The following GRHL1 variants were observed in gnomAD, a reference collection of about 807,000 sequenced individuals.
GRHL1 encodes the protein grainyhead-like protein 1 homolog.
GRHL1 carries 38 observed loss-of-function variants against 75.7 expected under a neutral mutation model. The ratio of observed to expected loss-of-function variants is 0.50; its 90% CI spans 0.39 to 0.66. The LOEUF is 0.66. Among genes scored for constraint, GRHL1 ranks in the 30% least tolerant of loss-of-function variants. GRHL1 has a pLI of 0.00. For synonymous variants in GRHL1, 266 were observed against 279.4 expected (o/e 0.95, Z 0.48); for missense variants, 589 against 767.5 (o/e 0.77, Z 2.75).
intron 10 of GRHL1, 60 bp from the exon 11 acceptor site, chr2:9,991,947 C>G (rs769511023): frequency 1.4e-5 from 19 of 1,359,926 alleles, no homozygotes; most frequent in Non-Finnish European, 1.8e-5. Context: ...TGGCCTGCAT[C>G]CAGTCTGTAT....
In GRHL1 at chr2:9,996,300, G is replaced by C; in HGVS notation, c.1592-16G>C. On this transcript the variant is annotated splice_polypyrimidine_tract_variant and intron_variant, in intron 13 of 15. Transcript: ENST00000324907. ...CTCTCTTTTCCCTTCCTTATTCCTG[G>C]TTGGGGATTGATTAGTGCTGCTCTA... 1 of 1,582,236 alleles carries C rather than the reference G, an allele frequency of 6.3e-7. No individual in the cohort carries two copies. The highest frequency in any genetic ancestry group is 8.7e-7 in the Non-Finnish European group (1 of 1,151,138).
At position 9,962,479 on chromosome 2, in the gene GRHL1, C is replaced by A; in HGVS notation, c.694C>A (p.Leu232Met). The change falls in exon 5 of 16, where the codon CTG becomes ATG. Residue 232 changes from leucine (L) to methionine (M), a missense_variant. Coordinates refer to ENST00000324907, the MANE Select transcript of GRHL1 (RefSeq NM_198182.3). ...QEVFFPSDLSLRMPGMNSEDY... is the reference protein window; with the variant it reads ...QEVFFPSDLSMRMPGMNSEDY... ...GGTTTTCTTCCCCTCGGATCTCAGTCTGCGGATGCCTGGCATGAATTCAGA... is the reference window on the plus strand; with the variant it reads ...GGTTTTCTTCCCCTCGGATCTCAGTATGCGGATGCCTGGCATGAATTCAGA... 1 of 1,601,932 alleles carries A rather than the reference C, an allele frequency of 6.2e-7. No individual in the cohort carries two copies. Among genetic ancestry groups the A allele is most frequent in the Non-Finnish European group, 8.6e-7 (1 of 1,168,906 alleles).
intron 2 of GRHL1, among the ~76,000 whole-genome samples, chr2:9,958,455 A>G (rs372845093): frequency 6.6e-6 from 1 of 152,084 alleles, no homozygotes; most frequent in African/African-American, 2.4e-5. Flanking sequence ...GGCTGGGATT[A>G]CAGACATGAG....
intron 8 of GRHL1, among the ~76,000 whole-genome samples, chr2:9,978,827 C>A (rs1668062730): frequency 6.6e-6 from 1 of 152,002 alleles, no homozygotes; most frequent in Non-Finnish European, 1.5e-5. Context: ...CCCGTCTCTA[C>A]TAAAAATACA....
intron 5 of GRHL1, 137 bp from the exon 6 acceptor site, chr2:9,963,749 A>G (rs964354546): frequency 5.2e-6 from 3 of 579,102 alleles, no homozygotes; most frequent in Non-Finnish European, 6.0e-6. Context: ...GAGAGACTTG[A>G]GAATTTTTAG....
At chr2:9,980,846 G>A (rs761780975) in intron 8 of GRHL1, among the ~76,000 whole-genome samples, 1 of 152,236 alleles carries the variant, frequency 6.6e-6, no homozygotes, top group Non-Finnish European at 1.5e-5. Flanking sequence ...TAGAGGAGGA[G>A]TTGGATGTGT....
intron 15 of GRHL1, 42 bp downstream of exon 15, chr2:9,999,071 T>C: frequency 9.1e-7 from 1 of 1,097,492 alleles, no homozygotes; most frequent in Non-Finnish European, 1.3e-6. Context: ...AAAGTGCTGA[T>C]GCCCCCCGCA....
chr2:9,965,318 T>A lies in GRHL1; in HGVS notation c.1047T>A (p.Ser349Arg). The change falls in exon 8 of 16, where the codon AGT becomes AGA. Residue 349 changes from serine to arginine, a missense_variant. Ser to Arg is a moderately radical substitution (Grantham distance 110, BLOSUM62 -1). Coordinates refer to ENST00000324907, the MANE Select transcript of GRHL1 (RefSeq NM_198182.3). ...ATAAAGAAAGCTTCAACACTATCAG[T>A]AACATCGAGGAGATTGCGTATAACG... Reference protein sequence around the residue: ...ADYKESFNTISNIEEIAYNAI... With the variant: ...ADYKESFNTIRNIEEIAYNAI... The A allele has an allele frequency of 6.2e-7, 1 of 1,610,492 alleles. No homozygotes were observed. The highest frequency in any genetic ancestry group is 8.5e-7 in the Non-Finnish European group (1 of 1,176,674).
intron 8 of GRHL1, among the ~76,000 whole-genome samples, chr2:9,966,873 G>C (rs1667516770): frequency 6.6e-6 from 1 of 152,180 alleles, no homozygotes. Context: ...AACCACCTCA[G>C]TCACATACAA....
rs184367989 is a variant in GRHL1, at chr2:9,977,255, G to A, written c.1111-8869G>A. 1.2e-3 allele frequency among the ~76,000 whole-genome samples: 178 copies of A among 152,196 alleles called. 2 individuals are homozygous for A. The highest frequency in any genetic ancestry group is 3.9e-3 in the African/African-American group (164 of 41,522). On this transcript the variant is annotated intron_variant, in intron 8 of 15. Transcript: ENST00000324907. ...AGTATGTAGATTTTGTATGCCCATCGTTTTTCTGTCTCTCATTACTAGTAT... is the reference window on the plus strand; with the variant it reads ...AGTATGTAGATTTTGTATGCCCATCATTTTTCTGTCTCTCATTACTAGTAT...
rs201016543 is a variant in GRHL1, at chr2:9,961,265, C to T, written c.498C>T (p.Phe166=). The change falls in exon 4 of 16, where the codon TTC becomes TTT. Residue 166 remains phenylalanine, a synonymous_variant. Transcript: ENST00000324907. ...AGACAGAAACCCAGCCACATGGCTT[C>T]GCTGTGGGAATCCCCCCAGCAGTGT... is the stretch of plus-strand genomic sequence containing the variant. ...SIKTETQPHG[F]AVGIPPAVYH... 252 of 1,614,164 alleles carry T rather than the reference C, an allele frequency of 1.6e-4. 1 individual carries two copies. Among genetic ancestry groups the T allele is most frequent in the Middle Eastern group, 1.3e-3 (8 of 6,062 alleles).
intron 1 of GRHL1, chr2:9,953,195 TTTTCTA>T: frequency 2.5e-6 from 1 of 407,946 alleles, no homozygotes; most frequent in Non-Finnish European, 4.9e-6. Flanking sequence ...TCTTTCTCTG[TTTTCTA>T]TTGCTTGTAC....
intron 1 of GRHL1, among the ~76,000 whole-genome samples, chr2:9,954,653 G>T (rs531082205): frequency 1.3e-5 from 2 of 152,152 alleles, no homozygotes; most frequent in East Asian, 3.9e-4. Flanking sequence ...GTTTTGTTTC[G>T]CTTTTTTGCC....
intron 8 of GRHL1, 160 bp downstream of exon 8, chr2:9,965,541 A>C: frequency 1.7e-6 from 1 of 587,848 alleles, no homozygotes; most frequent in Non-Finnish European, 3.0e-6. Flanking sequence ...CCTCCTCCAA[A>C]ACAGATCATT....
rs1278972200 is a variant in GRHL1 at position 9,961,422 on chromosome 2, GA to G, written c.657del (p.Gly220AlafsTer18). On this transcript the variant is annotated frameshift_variant, in exon 4 of 16. Coordinates refer to ENST00000324907, the MANE Select transcript of GRHL1 (RefSeq NM_198182.3). LOFTEE classifies it high-confidence loss of function. ...CTCGACCTTCTCAGAGACCTTCAAG[GA>G]AGGCGTTCAGGAGGTAAGGAAACAA... The part of the protein sequence containing the change: ...PDSTFSETFK[E>X]GVQEVFFPSD... The G allele has an allele frequency of 6.2e-7, 1 of 1,608,280 alleles. No homozygotes were observed. The highest frequency in any genetic ancestry group is 8.5e-7 in the Non-Finnish European group (1 of 1,175,176).
intron 5 of GRHL1, among the ~76,000 whole-genome samples, chr2:9,963,561 TC>T (rs1307835611): frequency 6.6e-6 from 1 of 152,204 alleles, no homozygotes; most frequent in Non-Finnish European, 1.5e-5. Flanking sequence ...CAGCCACCTG[TC>T]TGAAACCTCT....
intron 8 of GRHL1, among the ~76,000 whole-genome samples, chr2:9,983,090 G>A (rs1254578920): frequency 1.3e-5 from 2 of 152,102 alleles, no homozygotes; most frequent in South Asian, 2.1e-4. Context: ...AACCCGGCAC[G>A]TATGTCCCCT....
chr2:9,990,789 T>C lies in GRHL1; in HGVS notation c.1321+42T>C, dbSNP rs371238826. ...CAGCTCCCAGGTGAATGCCTGTAAGTAGAAATGTTCCCGGCAAGCTTCAGA... is the reference window on the plus strand; with the variant it reads ...CAGCTCCCAGGTGAATGCCTGTAAGCAGAAATGTTCCCGGCAAGCTTCAGA... On this transcript the variant is annotated intron_variant, in intron 10 of 15. Coordinates refer to ENST00000324907, the MANE Select transcript of GRHL1 (RefSeq NM_198182.3). This position sits in a 1 kb window ranked among gnomAD's most constrained non-coding sequence, Gnocchi z 4.2. 8 of 1,532,028 alleles carry C rather than the reference T, an allele frequency of 5.2e-6. No individual in the cohort carries two copies. The African/African-American group carries it at 1.1e-4, about 21-fold the overall frequency. 94.9% of individuals were successfully genotyped at this position (1,532,028 alleles called of 1,614,324 possible).
chr2:9,984,333 G>T (rs183675693), intron 8 of GRHL1, among the ~76,000 whole-genome samples: 4,368 of 152,112 alleles, frequency 0.029, 179 homozygotes, highest in African/African-American at 0.09. Flanking sequence ...GGGTTGAAGG[G>T]TCTGAAATGG....
Sources: gnomAD v4.1 joint callset for allele counts (sites outside exome capture counted in the v4.1 genomes callset) on GRCh38, gnomAD v4.1.1 for gene constraint, Gnocchi (gnomAD v3.1) non-coding constraint, MANE v1.5 for transcripts, NCBI Gene and HGNC (gene_info 2026-07-23, HGNC 2026-07-21) for gene names.